Variants in IL1RAPL2 observed in about 807,000 individuals in gnomAD.
IL1RAPL2 encodes interleukin 1 receptor accessory protein like 2, also known as X-linked interleukin-1 receptor accessory protein-like 2.
Under a neutral mutation model 44.1 loss-of-function variants are expected in IL1RAPL2, and 3 were observed. That is an observed-to-expected ratio of 0.07 (90% CI 0.03 to 0.18). The LOEUF (loss-of-function observed/expected upper bound fraction) is 0.18. IL1RAPL2 is among the 10% of genes least tolerant of loss of function. The pLI, the probability that IL1RAPL2 is intolerant of heterozygous loss-of-function variation, is 1.00. For synonymous variants in IL1RAPL2, 181 were observed against 178.8 expected, an observed-to-expected ratio of 1.01 and a Z score of -0.10; for missense variants, 391 against 496.4, an observed-to-expected ratio of 0.79 and a Z score of 2.02.
intron 6 of IL1RAPL2, 142 bp from the exon 7 acceptor site, chrX:105,717,225 C>A: frequency 2.4e-6 from 1 of 419,797 alleles, no homozygotes; most frequent in African/African-American, 2.5e-5. Flanking sequence ...AAAATTTTTC[C>A]CAGGTACAAT....
chrX:104,757,162 C>T (rs1212318873), intron 2 of IL1RAPL2, among the ~76,000 whole-genome samples: 1 of 111,579 alleles, frequency 9.0e-6, no homozygotes, highest in Non-Finnish European at 1.9e-5. Context: ...TGCAGTAATG[C>T]TAGTGAAAGA....
At chrX:104,850,783 G>A (rs1420149954) in intron 2 of IL1RAPL2, among the ~76,000 whole-genome samples, 1 of 110,566 alleles carries the variant, frequency 9.0e-6, no homozygotes, top group East Asian at 2.8e-4. Context: ...ATTTAAAGTG[G>A]GTAGAAAAAA....
intron 5 of IL1RAPL2, among the ~76,000 whole-genome samples, chrX:105,364,187 C>T (rs1011923333): frequency 3.6e-5 from 4 of 111,422 alleles, no homozygotes; most frequent in Admixed American, 9.6e-5. Flanking sequence ...TATTCTTCCC[C>T]GTTGTATGTT....
intron 2 of IL1RAPL2, among the ~76,000 whole-genome samples, chrX:104,869,161 C>T (rs1382834072): frequency 9.0e-6 from 1 of 111,054 alleles, no homozygotes; most frequent in African/African-American, 3.3e-5. Flanking sequence ...GTGTTATTCA[C>T]TCAAGGCTCT....
intron 2 of IL1RAPL2, among the ~76,000 whole-genome samples, chrX:104,850,098 A>T (rs73635164): frequency 3.1e-3 from 342 of 112,120 alleles, no homozygotes; most frequent in African/African-American, 0.011. Flanking sequence ...TATGTTTTTG[A>T]CAAAATGGGA....
At chrX:105,363,752 G>C (rs746275067) in intron 5 of IL1RAPL2, among the ~76,000 whole-genome samples, 1 of 110,067 alleles carries the variant, frequency 9.1e-6, no homozygotes, top group Non-Finnish European at 1.9e-5. Flanking sequence ...CTTCTTTTAA[G>C]AAATATATAT....
chrX:105,081,858 C>T (rs1241675604), intron 2 of IL1RAPL2, among the ~76,000 whole-genome samples: 1 of 111,966 alleles, frequency 8.9e-6, no homozygotes, highest in Non-Finnish European at 1.9e-5. Flanking sequence ...TTTTGATGTG[C>T]TGCTGGATTT....
intron 5 of IL1RAPL2, among the ~76,000 whole-genome samples, chrX:105,350,790 T>A (rs1381643245): frequency 8.9e-6 from 1 of 111,929 alleles, no homozygotes; most frequent in Non-Finnish European, 1.9e-5. Flanking sequence ...CTAATTAAAC[T>A]AAAGAACTTC....
chrX:104,661,120 T>A (rs1422459058), intron 2 of IL1RAPL2, among the ~76,000 whole-genome samples: 2 of 111,519 alleles, frequency 1.8e-5, no homozygotes, highest in Non-Finnish European at 3.8e-5. Flanking sequence ...TGTGGACAAA[T>A]GGTATCATAT....
chrX:104,756,717 A>G (rs1429874039), intron 2 of IL1RAPL2, among the ~76,000 whole-genome samples: 1 of 110,574 alleles, frequency 9.0e-6, no homozygotes, highest in East Asian at 2.8e-4. Flanking sequence ...AAAAGAAAAA[A>G]GTGAAGGAAG....
intron 2 of IL1RAPL2, among the ~76,000 whole-genome samples, chrX:105,186,526 C>A (rs2033589208): frequency 9.0e-6 from 1 of 111,276 alleles, no homozygotes; most frequent in Non-Finnish European, 1.9e-5. Context: ...GTCAGCCTGT[C>A]TAGAGCAGGA....
intron 5 of IL1RAPL2, among the ~76,000 whole-genome samples, chrX:105,394,646 C>T (rs1307963945): frequency 9.0e-6 from 1 of 111,271 alleles, no homozygotes. Context: ...CTATTGTTTA[C>T]CATATCAAGA....
chrX:105,686,736 A>G (rs749036474), intron 6 of IL1RAPL2, among the ~76,000 whole-genome samples: 1 of 111,928 alleles, frequency 8.9e-6, no homozygotes, highest in East Asian at 2.8e-4. Context: ...ATAGACATCT[A>G]CAGAACTCTC....
At chrX:105,089,699 T>C (rs962338754) in intron 2 of IL1RAPL2, among the ~76,000 whole-genome samples, 4 of 111,830 alleles carry the variant, frequency 3.6e-5, no homozygotes, top group African/African-American at 9.8e-5. Context: ...ACTGTTATAT[T>C]ATGCTCCAGG....
At position 104,656,399 on chromosome X, in the gene IL1RAPL2, A is replaced by T. The variant is rs1673834957; in HGVS notation, c.-19-2496A>T. ...ATCTTTGTTCTCACTGGTTTCAAAG[A>T]ACATCTTTATTTCTGCCTTCATTTC... On this transcript the variant is annotated intron_variant, in intron 1 of 10. Transcript: ENST00000372582. Among the ~76,000 whole-genome samples the T allele has an allele frequency of 2.7e-5, 3 of 112,099 alleles. No homozygotes were observed. In the South Asian group the frequency reaches 1.1e-3, roughly 42 times the overall value.
chrX:105,445,802 G>T (rs2147757587), intron 5 of IL1RAPL2, among the ~76,000 whole-genome samples: 1 of 111,105 alleles, frequency 9.0e-6, no homozygotes, highest in Non-Finnish European at 1.9e-5. Flanking sequence ...TTATTTTGTG[G>T]CCCAGCAGCA....
intron 2 of IL1RAPL2, among the ~76,000 whole-genome samples, chrX:105,179,285 A>T (rs2033505443): frequency 8.9e-6 from 1 of 112,245 alleles, no homozygotes; most frequent in Non-Finnish European, 1.9e-5. Context: ...GCTTTGTCAA[A>T]GATCATTTGT....
intron 2 of IL1RAPL2, among the ~76,000 whole-genome samples, chrX:104,838,831 CTTTCTTTCTTTCTTTCTTT>C (rs1921816037): frequency 3.8e-5 from 2 of 51,989 alleles, no homozygotes; most frequent in Non-Finnish European, 7.5e-5. Flanking sequence ...TTCTTTCTTT[CTTTCTTTCTTTCTTTCTTT>C]TTTTTTTTTT....
rs933837413 is a variant in IL1RAPL2, at chrX:104,972,469, A to G, written c.83-223006A>G. Among the ~76,000 whole-genome samples, 48 of 111,810 alleles carry G rather than the reference A, an allele frequency of 4.3e-4. 1 individual carries two copies. Among genetic ancestry groups the G allele is most frequent in the Middle Eastern group, 4.6e-3 (1 of 219 alleles). On this transcript the variant is annotated intron_variant, in intron 2 of 10. Transcript: ENST00000372582. ...ACCTAACAAGTAGGGAGTTTTGGAT[A>G]CTTGAGGATTGCTATCATTAGTTAG... is the stretch of plus-strand genomic sequence containing the variant.
Sources: gnomAD v4.1 joint callset for allele counts (sites outside exome capture counted in the v4.1 genomes callset) on GRCh38, gnomAD v4.1.1 for gene constraint, MANE v1.5 for transcripts, NCBI Gene and HGNC (gene_info 2026-07-23, HGNC 2026-07-21) for gene names.